Variants in PRADC1 observed in about 807,000 individuals in gnomAD.
PRADC1 encodes protease-associated domain-containing protein 1.
A neutral mutation model predicts 22.9 loss-of-function variants in PRADC1; 23 were observed. The observed-to-expected ratio is 1.00, with a 90% confidence interval of 0.72 to 1.42. PRADC1 has a LOEUF of 1.42. Ranked by LOEUF, PRADC1 falls within the 40% of genes most tolerant of loss-of-function variation. The probability of loss-of-function intolerance (pLI) is 0.00; values close to 1 mark genes in which losing one functional copy is unlikely to be tolerated. For synonymous variants in PRADC1, 71 were observed against 100.3 expected (o/e 0.71, Z 1.75); for missense variants, 207 against 258.3 (o/e 0.80, Z 1.36).
Position 73,233,194 on chromosome 2 carries a change from C to T in PRADC1, c.-34G>A. Reference sequence around the variant, plus strand: ...CCGGGCCCGGCCCGGCGCCGCGTTTCCTCTCGCCGCCCCGCCGCGCGTCGC... The same window carrying T: ...CCGGGCCCGGCCCGGCGCCGCGTTTTCTCTCGCCGCCCCGCCGCGCGTCGC... On this transcript the variant is annotated 5_prime_UTR_variant, in exon 1 of 5. Transcript: ENST00000258083. The T allele has an allele frequency of 7.7e-7, 1 of 1,300,676 alleles. No homozygotes were observed. The highest frequency in any genetic ancestry group is 9.9e-7 in the Non-Finnish European group (1 of 1,008,324). 80.6% of individuals were successfully genotyped at this position (1,300,676 alleles called of 1,614,324 possible).
intron 3 of PRADC1, 61 bp from the exon 4 acceptor site, chr2:73,229,023 C>A: frequency 1.3e-6 from 2 of 1,499,590 alleles, no homozygotes; most frequent in Non-Finnish European, 1.8e-6. Flanking sequence ...TTCCCCAGAC[C>A]ATCACCCTGG....
intron 1 of PRADC1, 147 bp from the exon 2 acceptor site, chr2:73,230,360 T>TG: frequency 3.1e-6 from 2 of 635,774 alleles, no homozygotes; most frequent in Non-Finnish European, 5.7e-6. Context: ...GTGGCAGGGT[T>TG]GGGGGCTAGA....
At chr2:73,229,224 A>G (rs1037335831) in intron 3 of PRADC1, among the ~76,000 whole-genome samples, 3 of 152,040 alleles carry the variant, frequency 2.0e-5, no homozygotes, top group East Asian at 1.9e-4. Context: ...CGGTCAAGCA[A>G]TCCTCTCACC....
intron 2 of PRADC1, 61 bp from the exon 3 acceptor site, chr2:73,229,631 T>G (rs1686598187): frequency 7.6e-7 from 1 of 1,307,862 alleles, no homozygotes; most frequent in Non-Finnish European, 1.1e-6. Context: ...GCTTTAGGAC[T>G]GGGCTGACAA....
chr2:73,228,885 A>C lies in PRADC1; in HGVS notation c.356T>G (p.Val119Gly), dbSNP rs1168331519. 1.9e-6 allele frequency: 3 copies of C among 1,613,688 alleles called. No homozygotes were observed. The East Asian group carries it at 6.7e-5, about 36-fold the overall frequency. The change falls in exon 4 of 5, where the codon GTT becomes GGT. Residue 119 changes from valine (V) to glycine (G), a missense_variant. By Grantham distance (109) the Val-to-Gly change is moderately radical (BLOSUM62 -3). Coordinates refer to ENST00000258083, the MANE Select transcript of PRADC1 (RefSeq NM_032319.3). The surrounding 1 kb of genome is among the most constrained non-coding windows in gnomAD (Gnocchi z 4.0). ...CTCCACGTAGAAGCTGTCATTGTCA[A>C]CTGCGTTGTCAGAGATGATCACCGC... ...GRAVIISDNA[V>G]DNDSFYVEMI... is the part of the protein sequence containing the mutation.
intron 1 of PRADC1, among the ~76,000 whole-genome samples, chr2:73,231,280 C>A (rs1369860113): frequency 6.6e-6 from 1 of 151,064 alleles, no homozygotes. Flanking sequence ...CCACCACGCC[C>A]GGAGAATTTT....
At position 73,228,954 on chromosome 2, in the gene PRADC1, G is replaced by A. The variant is rs759701522; in HGVS notation, c.287C>T (p.Ser96Phe). The A allele has an allele frequency of 6.2e-7, 1 of 1,613,838 alleles. No individual in the cohort carries two copies. Among genetic ancestry groups the A allele is most frequent in the Non-Finnish European group, 8.5e-7 (1 of 1,179,986 alleles). ...QIALVERGGC[S>F]FLSKTRVVQE... is the part of the protein sequence containing the mutation. ...GACCACCCGAGTCTTGGAGAGGAAG[G>A]AGCAGCCCCTGGAAGAGGTGGTGAT... The change falls in exon 4 of 5, where the codon TCC (serine) becomes TTC (phenylalanine). Residue 96 changes from serine (S) to phenylalanine (F), a missense_variant. Ser to Phe is a radical substitution (Grantham distance 155). Coordinates refer to ENST00000258083, the MANE Select transcript of PRADC1 (RefSeq NM_032319.3). The surrounding 1 kb of genome is among the most constrained non-coding windows in gnomAD (Gnocchi z 4.0).
intron 2 of PRADC1, 85 bp from the exon 3 acceptor site, chr2:73,229,655 G>C: frequency 1.0e-6 from 1 of 998,668 alleles, no homozygotes; most frequent in African/African-American, 1.6e-5. Context: ...CATCTTATTG[G>C]CACCTTATAA....
intron 2 of PRADC1, 81 bp downstream of exon 2, chr2:73,230,032 G>A (rs1686605185): frequency 4.2e-6 from 4 of 962,268 alleles, no homozygotes; most frequent in Middle Eastern, 3.1e-4. Context: ...CAGCACTCAG[G>A]TGGGATGAGA....
Position 73,228,994 on chromosome 2 carries a change from G to A in PRADC1, c.279-32C>T. On this transcript the variant is annotated intron_variant, in intron 3 of 4. Coordinates refer to ENST00000258083, the MANE Select transcript of PRADC1 (RefSeq NM_032319.3). The surrounding 1 kb of genome is among the most constrained non-coding windows in gnomAD (Gnocchi z 4.0). ...GAGGTGGTGATAAGACCAAAGGAAA[G>A]ACAGGTCCTAGCTCCCCCTTCCCCA... is the stretch of plus-strand genomic sequence containing the variant. 1 of 1,607,612 alleles carries A rather than the reference G, an allele frequency of 6.2e-7. No homozygotes were observed.
chr2:73,233,043 G>T, intron 1 of PRADC1, 51 bp downstream of exon 1: 1 of 1,520,140 alleles, frequency 6.6e-7, no homozygotes, highest in Non-Finnish European at 8.8e-7. Flanking sequence ...ACGCGCGCAA[G>T]CTGGACGGCC....
In PRADC1 at chr2:73,228,905, C is replaced by G; in HGVS notation, c.336G>C (p.Val112=). The change falls in exon 4 of 5, where the codon GTG becomes GTC. Residue 112 remains valine (V), a synonymous_variant. Coordinates refer to ENST00000258083, the MANE Select transcript of PRADC1 (RefSeq NM_032319.3). The surrounding 1 kb of genome is among the most constrained non-coding windows in gnomAD (Gnocchi z 4.0). ...TGTCAACTGCGTTGTCAGAGATGAT[C>G]ACCGCCCGCCCGCCGTGCTCCTGGA... ...RVVQEHGGRA[V]IISDNAVDND... is the part of the protein sequence containing the mutation. 6.2e-7 allele frequency: 1 copy of G among 1,613,642 alleles called. No individual in the cohort carries two copies. The highest frequency in any genetic ancestry group is 8.5e-7 in the Non-Finnish European group (1 of 1,179,928).
intron 1 of PRADC1, among the ~76,000 whole-genome samples, chr2:73,231,716 A>G (rs949064873): frequency 1.3e-5 from 2 of 151,928 alleles, no homozygotes; most frequent in African/African-American, 2.4e-5. Context: ...TGGCTTACCA[A>G]AGTCCTGGGA....
At chr2:73,233,280 G>A (rs1574347813), upstream of PRADC1, 7 of 629,996 alleles carry the variant, frequency 1.1e-5, no homozygotes, top group East Asian at 2.4e-4. Context: ...CTCTCGCCGC[G>A]GGCTGGACGA....
In PRADC1 at chr2:73,229,558, C is replaced by G; in HGVS notation, c.181G>C (p.Glu61Gln). 6.2e-7 allele frequency: 1 copy of G among 1,613,230 alleles called. No individual in the cohort carries two copies. Among genetic ancestry groups the G allele is most frequent in the East Asian group, 2.2e-5 (1 of 44,880 alleles). The change falls in exon 3 of 5, where the codon GAG becomes CAG. Residue 61 changes from glutamate to glutamine, a missense_variant. By Grantham distance (29) the Glu-to-Gln change is conservative. Coordinates refer to ENST00000258083, the MANE Select transcript of PRADC1 (RefSeq NM_032319.3). ...TCAGCGGGGACAAGGTGAATCTGCT[C>G]ATACCTTGTGTGCTGAAAAACATTT... ...DFGGIFHTRY[E>Q]QIHLVPAEPP...
chr2:73,232,061 C>T lies in PRADC1; in HGVS notation c.67+1033G>A, dbSNP rs186331784. On this transcript the variant is annotated intron_variant, in intron 1 of 4. Coordinates refer to ENST00000258083, the MANE Select transcript of PRADC1 (RefSeq NM_032319.3). Reference sequence around the variant, plus strand: ...GATAAAAACTGCTGTCATGGGCGGGCGCGGTGGCTCACGCCTGTAATCCCA... The same window carrying T: ...GATAAAAACTGCTGTCATGGGCGGGTGCGGTGGCTCACGCCTGTAATCCCA... 2.0e-4 allele frequency among the ~76,000 whole-genome samples: 30 copies of T among 152,228 alleles called. No homozygotes were observed. In the East Asian group the frequency reaches 4.8e-3, roughly 25 times the overall value.
chr2:73,231,562 G>A (rs752605165), intron 1 of PRADC1, among the ~76,000 whole-genome samples: 1 of 152,016 alleles, frequency 6.6e-6, no homozygotes, highest in African/African-American at 2.4e-5. Context: ...GACTACAGGC[G>A]TGCGCCACCA....
In PRADC1 at chr2:73,228,279, G is replaced by T. The variant is rs1686554503; in HGVS notation, c.*175C>A. On this transcript the variant is annotated 3_prime_UTR_variant, in exon 5 of 5. Transcript: ENST00000258083. The surrounding 1 kb of genome is among the most constrained non-coding windows in gnomAD (Gnocchi z 4.0). ...CATGAGACACCCTTGGGGGCCCTGG[G>T]GAAGGGAAGGCCAGTGGTGTGGCTT... 1.4e-6 allele frequency: 1 copy of T among 739,404 alleles called. No individual in the cohort carries two copies. The allele number at this position is 739,404 out of a possible 1,614,324, so 45.8% of individuals were successfully genotyped here.
chr2:73,232,347 A>G (rs950596810), intron 1 of PRADC1, among the ~76,000 whole-genome samples: 11 of 152,058 alleles, frequency 7.2e-5, no homozygotes, highest in African/African-American at 2.7e-4. Flanking sequence ...AAAAAAAAAA[A>G]AAAGAAAAAA....
Sources: gnomAD v4.1 joint callset for allele counts (sites outside exome capture counted in the v4.1 genomes callset) on GRCh38, gnomAD v4.1.1 for gene constraint, Gnocchi (gnomAD v3.1) non-coding constraint, MANE v1.5 for transcripts, NCBI Gene and HGNC (gene_info 2026-07-23, HGNC 2026-07-21) for gene names.